GLRA2: variants seen among roughly 807,000 people sequenced by gnomAD.
The protein encoded by GLRA2 is glycine receptor alpha 2.
Under a neutral mutation model 31.6 loss-of-function variants are expected in GLRA2, and 11 were observed. The observed-to-expected ratio is 0.35, with a 90% CI of 0.22 to 0.58. The LOEUF (loss-of-function observed/expected upper bound fraction) is 0.58, where lower values mean the gene tolerates loss of function less well. Among genes scored for constraint, GLRA2 ranks in the 20% least tolerant of loss-of-function variants. GLRA2 has a pLI of 0.84. For missense variants in GLRA2, 212 were observed against 351.8 expected, an observed-to-expected ratio of 0.60 and a Z score of 3.18; for synonymous variants, 132 against 134.0, an observed-to-expected ratio of 0.99 and a Z score of 0.10.
chrX:14,685,025 AG>A (rs1338161677), intron 7 of GLRA2, among the ~76,000 whole-genome samples: 1 of 111,510 alleles, frequency 9.0e-6, no homozygotes, highest in Non-Finnish European at 1.9e-5. Flanking sequence ...TTTAGCATGA[AG>A]GGTTGTTGAA....
At chrX:14,643,590 C>T (rs2090798378) in intron 7 of GLRA2, among the ~76,000 whole-genome samples, 1 of 111,851 alleles carries the variant, frequency 8.9e-6, no homozygotes, top group African/African-American at 3.2e-5. Flanking sequence ...TCAAGTCTGC[C>T]AGTGCTATCA....
At chrX:14,716,562 A>G (rs970977950) in intron 8 of GLRA2, among the ~76,000 whole-genome samples, 1 of 111,627 alleles carries the variant, frequency 9.0e-6, no homozygotes, top group Non-Finnish European at 1.9e-5. Context: ...AGGGAGCACG[A>G]CTTTTCTGTG....
intron 7 of GLRA2, among the ~76,000 whole-genome samples, chrX:14,677,982 G>A (rs1449974185): frequency 8.9e-6 from 1 of 111,914 alleles, no homozygotes; most frequent in Non-Finnish European, 1.9e-5. Context: ...TGCATAATAG[G>A]ATGTTTAGAA....
chrX:14,482,344 T>C, the GLRA2 span, among the ~76,000 whole-genome samples: 4 of 111,634 alleles, frequency 3.6e-5, no homozygotes, highest in African/African-American at 1.3e-4. Flanking sequence ...TATTACATGA[T>C]TTCTTTCATC....
chrX:14,476,235 T>A, the GLRA2 span, among the ~76,000 whole-genome samples: 1 of 112,504 alleles, frequency 8.9e-6, no homozygotes, highest in Non-Finnish European at 1.9e-5. Flanking sequence ...TGATTTTTAT[T>A]GCTGATTTCT....
intron 8 of GLRA2, among the ~76,000 whole-genome samples, chrX:14,727,588 T>G (rs2091943068): frequency 8.9e-6 from 1 of 112,354 alleles, no homozygotes; most frequent in African/African-American, 3.2e-5. Flanking sequence ...CAGATAGTTA[T>G]GAGGACACTG....
intron 7 of GLRA2, among the ~76,000 whole-genome samples, chrX:14,656,684 T>C (rs1179264874): frequency 8.9e-6 from 1 of 112,484 alleles, no homozygotes; most frequent in Non-Finnish European, 1.9e-5. Flanking sequence ...TGAACATCTG[T>C]TCTTTAACAG....
Position 14,659,681 on chromosome X carries a change from C to A in GLRA2, c.931-31029C>A, listed in dbSNP as rs955745156. Among the ~76,000 whole-genome samples the A allele has an allele frequency of 5.1e-4, 56 of 110,198 alleles. 2 individuals are homozygous for A. The highest frequency in any genetic ancestry group is 3.0e-4 in the Non-Finnish European group (16 of 52,797). ...CTGGGCTGCCATCAAGAGGAGTGAA[C>A]CTGGGAGAAAGAAGGAGAAAGGCCA... On this transcript the variant is annotated intron_variant, in intron 7 of 8. Coordinates refer to ENST00000218075, the MANE Select transcript of GLRA2 (RefSeq NM_002063.4).
At chrX:14,551,596 CT>C (rs1252902181) in intron 2 of GLRA2, among the ~76,000 whole-genome samples, 1 of 111,139 alleles carries the variant, frequency 9.0e-6, no homozygotes, top group Non-Finnish European at 1.9e-5. Context: ...ATTTTGTAAA[CT>C]TTTTTTTACA....
chrX:14,557,155 G>A (rs1240086020), intron 2 of GLRA2, among the ~76,000 whole-genome samples: 5 of 74,382 alleles, frequency 6.7e-5, no homozygotes, highest in Non-Finnish European at 6.9e-5. Context: ...TCGCTCTGTC[G>A]CCCAGGCTGG....
chrX:14,463,866 G>A, the GLRA2 span, among the ~76,000 whole-genome samples: 5 of 111,544 alleles, frequency 4.5e-5, no homozygotes, highest in South Asian at 3.8e-4. Context: ...CTCACCCTCC[G>A]TGGGCTGCAC....
At chrX:14,581,107 G>A (rs944824601) in intron 3 of GLRA2, 76 bp from the exon 4 acceptor site, 10 of 626,439 alleles carry the variant, frequency 1.6e-5, no homozygotes, top group Admixed American at 6.9e-5. Flanking sequence ...AAATCAGGGA[G>A]AAGAATGAGA....
chrX:14,559,419 C>CTTTT (rs753470377), intron 2 of GLRA2, among the ~76,000 whole-genome samples: 44 of 48,575 alleles, frequency 9.1e-4, no homozygotes, highest in East Asian at 3.2e-3. Flanking sequence ...GGGGCCATTT[C>CTTTT]TTTTTTTTTT....
intron 4 of GLRA2, among the ~76,000 whole-genome samples, chrX:14,587,793 T>A (rs905348141): frequency 1.8e-5 from 2 of 112,240 alleles, no homozygotes; most frequent in African/African-American, 6.5e-5. Flanking sequence ...TTTGGTTTAA[T>A]TAAGTCCCAT....
At chrX:14,566,080 G>C (rs944136231) in intron 2 of GLRA2, among the ~76,000 whole-genome samples, 1 of 110,978 alleles carries the variant, frequency 9.0e-6, no homozygotes, top group Non-Finnish European at 1.9e-5. Context: ...CTAGACTGAC[G>C]AAGAAAAAAA....
At chrX:14,512,506 A>G in the GLRA2 span, among the ~76,000 whole-genome samples, 1 of 111,514 alleles carries the variant, frequency 9.0e-6, no homozygotes, top group Non-Finnish European at 1.9e-5. Flanking sequence ...TGATATGATC[A>G]TATACCTAGA....
the GLRA2 span, among the ~76,000 whole-genome samples, chrX:14,520,267 C>A: frequency 8.9e-6 from 1 of 112,181 alleles, no homozygotes; most frequent in Admixed American, 9.5e-5. Flanking sequence ...AGTGGCAGAA[C>A]AAAACCTAGA....
chrX:14,670,857 ACT>A (rs2091085282), intron 7 of GLRA2, among the ~76,000 whole-genome samples: 1 of 111,359 alleles, frequency 9.0e-6, no homozygotes, highest in Non-Finnish European at 1.9e-5. Context: ...TGTAACTGTG[ACT>A]CTGTCCTCCT....
intron 7 of GLRA2, among the ~76,000 whole-genome samples, chrX:14,637,623 T>C (rs1444955564): frequency 8.9e-6 from 1 of 112,062 alleles, no homozygotes; most frequent in African/African-American, 3.2e-5. Flanking sequence ...AGGCTTTGCA[T>C]ATCCCATTTA....
Sources: gnomAD v4.1 joint callset for allele counts (sites outside exome capture counted in the v4.1 genomes callset) on GRCh38, gnomAD v4.1.1 for gene constraint, MANE v1.5 for transcripts, NCBI Gene and HGNC (gene_info 2026-07-23, HGNC 2026-07-21) for gene names.